Variants in MCHR2 observed in about 807,000 individuals in gnomAD.
MCHR2 encodes the protein melanin concentrating hormone receptor 2, also known as melanin-concentrating hormone receptor 2.
A neutral mutation model predicts 24.8 loss-of-function variants in MCHR2; 15 were observed. That is an observed-to-expected ratio of 0.60 (90% confidence interval 0.40 to 0.93). The LOEUF (loss-of-function observed/expected upper bound fraction) is 0.93. Among genes scored for constraint, MCHR2 ranks in the 40% least tolerant of loss-of-function variants. MCHR2 has a pLI of 0.00. For missense variants in MCHR2, 386 were observed against 408.7 expected, an observed-to-expected ratio of 0.94 and a Z score of 0.48; for synonymous variants, 151 against 147.6, an observed-to-expected ratio of 1.02 and a Z score of -0.17.
At chr6:99,950,487 C>T (rs1774945817) in intron 2 of MCHR2, among the ~76,000 whole-genome samples, 1 of 152,048 alleles carries the variant, frequency 6.6e-6, no homozygotes, top group Admixed American at 6.5e-5. Context: ...GTGGTCATAT[C>T]TAATACTCAT....
Position 99,934,425 on chromosome 6 carries a change from A to G in MCHR2, c.680T>C (p.Met227Thr), listed in dbSNP as rs749171922. 2 of 1,596,636 alleles carry G rather than the reference A, an allele frequency of 1.3e-6. No individual in the cohort carries two copies. Among genetic ancestry groups the G allele is most frequent in the East Asian group, 2.3e-5 (1 of 44,186 alleles). Reference sequence around the variant, plus strand: ...TCTGGCATCCTTATTCTGTTGATACATCTCCCAAGTATAGCATAAAATTAA... The same window carrying G: ...TCTGGCATCCTTATTCTGTTGATACGTCTCCCAAGTATAGCATAAAATTAA... ...YILILCYTWEMYQQNKDARCC... is the reference protein window; with the variant it reads ...YILILCYTWETYQQNKDARCC... The change falls in exon 5 of 6, where the codon ATG becomes ACG. Residue 227 changes from methionine to threonine, a missense_variant. Physicochemically the swap from Met to Thr is moderately conservative, Grantham distance 81. Coordinates refer to ENST00000281806, the MANE Select transcript of MCHR2 (RefSeq NM_001040179.2).
At chr6:99,945,040 T>G (rs889674534) in intron 3 of MCHR2, among the ~76,000 whole-genome samples, 3 of 152,092 alleles carry the variant, frequency 2.0e-5, no homozygotes, top group Admixed American at 1.3e-4. Flanking sequence ...GACCACCCAT[T>G]CTATAGGAGG....
rs145215910 is a variant in MCHR2 at position 99,965,110 on chromosome 6, C to T, written c.-27-8936G>A. ...CCAACAATGTTCTGGCTTTCTTGTC[C>T]TTGGTAGCCAGTGTTTTACGTATGG... On this transcript the variant is annotated intron_variant, in intron 1 of 5. Transcript: ENST00000281806. Among the ~76,000 whole-genome samples the T allele has an allele frequency of 3.6e-4, 55 of 152,162 alleles. 1 individual carries two copies. The highest frequency in any genetic ancestry group is 1.3e-3 in the African/African-American group (53 of 41,530).
At chr6:99,952,842 A>C (rs770115694) in intron 2 of MCHR2, among the ~76,000 whole-genome samples, 14 of 152,158 alleles carry the variant, frequency 9.2e-5, no homozygotes, top group Non-Finnish European at 1.9e-4. Flanking sequence ...GTTGTTCCTG[A>C]TACTTTTTGA....
chr6:99,938,438 AT>A (rs1456095306), intron 4 of MCHR2, among the ~76,000 whole-genome samples: 10 of 152,004 alleles, frequency 6.6e-5, no homozygotes, highest in African/African-American at 2.4e-4. Context: ...TTCTTTCTTG[AT>A]GTATTCATTG....
At chr6:99,960,443 G>C (rs1444431159) in intron 1 of MCHR2, among the ~76,000 whole-genome samples, 1 of 152,076 alleles carries the variant, frequency 6.6e-6, no homozygotes, top group Non-Finnish European at 1.5e-5. Context: ...TCCCCATCAA[G>C]CTACCAATGA....
At chr6:99,937,289 C>T (rs930960099) in intron 4 of MCHR2, among the ~76,000 whole-genome samples, 3 of 151,836 alleles carry the variant, frequency 2.0e-5, no homozygotes, top group Admixed American at 6.6e-5. Flanking sequence ...TGTTGCAGAT[C>T]TTAGAGAAAA....
At chr6:99,931,053 C>T (rs562331100) in intron 5 of MCHR2, among the ~76,000 whole-genome samples, 2 of 152,298 alleles carry the variant, frequency 1.3e-5, no homozygotes, top group Admixed American at 1.3e-4. Flanking sequence ...TTCCTTCTAA[C>T]AGACAGGACC....
intron 5 of MCHR2, among the ~76,000 whole-genome samples, chr6:99,921,724 GA>G (rs1157401469): frequency 6.6e-6 from 1 of 152,004 alleles, no homozygotes; most frequent in Admixed American, 6.6e-5. Flanking sequence ...TCATTCTTTT[GA>G]ACTATTTTTT....
intron 5 of MCHR2, among the ~76,000 whole-genome samples, chr6:99,934,085 G>C (rs1774600259): frequency 6.6e-6 from 1 of 151,994 alleles, no homozygotes; most frequent in African/African-American, 2.4e-5. Flanking sequence ...ATGCAACTCT[G>C]CAAAATGTGC....
chr6:99,967,960 T>G (rs1775324554), intron 1 of MCHR2, among the ~76,000 whole-genome samples: 1 of 152,208 alleles, frequency 6.6e-6, no homozygotes, highest in Non-Finnish European at 1.5e-5. Context: ...GGTTTAGTAA[T>G]CTCTCTTAGT....
intron 5 of MCHR2, among the ~76,000 whole-genome samples, chr6:99,929,052 G>A (rs1387532222): frequency 1.3e-5 from 2 of 151,824 alleles, no homozygotes; most frequent in Non-Finnish European, 2.9e-5. Context: ...TGTTCTCGTT[G>A]GTTTCAAAGA....
At chr6:99,958,804 C>T (rs910608716) in intron 1 of MCHR2, among the ~76,000 whole-genome samples, 1 of 152,194 alleles carries the variant, frequency 6.6e-6, no homozygotes, top group Non-Finnish European at 1.5e-5. Flanking sequence ...CAGCTTCTGG[C>T]TTCTCCCTGG....
At chr6:99,978,708 A>G (rs1367659633) in intron 1 of MCHR2, among the ~76,000 whole-genome samples, 1 of 152,040 alleles carries the variant, frequency 6.6e-6, no homozygotes, top group Non-Finnish European at 1.5e-5. Context: ...GTGAGCCACC[A>G]TGCCTGGCCC....
At chr6:99,954,277 G>T (rs1775018605) in intron 2 of MCHR2, among the ~76,000 whole-genome samples, 1 of 152,090 alleles carries the variant, frequency 6.6e-6, no homozygotes, top group Non-Finnish European at 1.5e-5. Context: ...TGTAATAATA[G>T]TACTGCTGTG....
At position 99,947,849 on chromosome 6, in the gene MCHR2, C is replaced by T; in HGVS notation, c.305G>A (p.Gly102Glu). The change falls in exon 3 of 6, where the codon GGG becomes GAG. Residue 102 changes from glycine to glutamate, a missense_variant. By Grantham distance (98) the Gly-to-Glu change is moderately conservative (BLOSUM62 -2). Coordinates refer to ENST00000281806, the MANE Select transcript of MCHR2 (RefSeq NM_001040179.2). ...QWARGGEWVFGGPLCTIITSL... is the reference protein window; with the variant it reads ...QWARGGEWVFEGPLCTIITSL... ...TGTGATGATGGTGCAGAGAGGCCCCCCAAACACCCACTCTCCCCCTCGGGC... is the reference window on the plus strand; with the variant it reads ...TGTGATGATGGTGCAGAGAGGCCCCTCAAACACCCACTCTCCCCCTCGGGC... 1 of 1,613,738 alleles carries T rather than the reference C, an allele frequency of 6.2e-7. No homozygotes were observed. Among genetic ancestry groups the T allele is most frequent in the Non-Finnish European group, 8.5e-7 (1 of 1,179,788 alleles).
intron 1 of MCHR2, among the ~76,000 whole-genome samples, chr6:99,987,751 T>G (rs1775796060): frequency 6.6e-6 from 1 of 152,052 alleles, no homozygotes; most frequent in Non-Finnish European, 1.5e-5. Flanking sequence ...CAATAAAAAT[T>G]GAAATAAATG....
intron 1 of MCHR2, among the ~76,000 whole-genome samples, chr6:99,978,007 C>G (rs1775586631): frequency 1.3e-5 from 2 of 152,108 alleles, no homozygotes; most frequent in South Asian, 4.1e-4. Context: ...AGTGAGCAGG[C>G]ACAGGGAAGA....
At chr6:99,948,047 T>G in intron 2 of MCHR2, 76 bp from the exon 3 acceptor site, 3 of 1,261,694 alleles carry the variant, frequency 2.4e-6, no homozygotes, top group Non-Finnish European at 3.3e-6. Context: ...CTCATACAAA[T>G]TTTTAATTGA....
Sources: allele counts gnomAD v4.1 joint callset (sites outside exome capture counted in the v4.1 genomes callset), GRCh38; gene constraint gnomAD v4.1.1; transcripts MANE v1.5; gene names NCBI Gene and HGNC (gene_info 2026-07-23, HGNC 2026-07-21).